Variants in ASIC2 observed in about 807,000 individuals in gnomAD.
ASIC2 encodes the protein acid-sensing ion channel 2.
In ASIC2, 25 loss-of-function variants were observed where a neutral mutation model predicts 57.3. That is an observed-to-expected ratio of 0.44 (90% CI 0.32 to 0.61). The LOEUF is 0.61. Ranked by LOEUF, ASIC2 falls within the 20% of genes least tolerant of loss-of-function variation. The probability of loss-of-function intolerance (pLI) is 0.06; values close to 1 mark genes in which losing one functional copy is unlikely to be tolerated. For synonymous variants in ASIC2, 319 were observed against 307.5 expected (o/e 1.04, Z -0.39); for missense variants, 641 against 738.1 (o/e 0.87, Z 1.52).
chr17:33,579,504 G>A (rs765740185), intron 1 of ASIC2, among the ~76,000 whole-genome samples: 2 of 152,112 alleles, frequency 1.3e-5, no homozygotes, highest in African/African-American at 4.8e-5. Context: ...ACTGTGCCCA[G>A]AATTGTCTCC....
chr17:33,465,263 G>T (rs79718183), intron 1 of ASIC2, among the ~76,000 whole-genome samples: 5,576 of 152,038 alleles, frequency 0.037, 280 homozygotes, highest in East Asian at 0.1. Context: ...TTTCCTAATT[G>T]TTCAACAGGA....
intron 1 of ASIC2, among the ~76,000 whole-genome samples, chr17:33,337,547 T>C (rs1907562407): frequency 6.6e-6 from 1 of 152,242 alleles, no homozygotes; most frequent in African/African-American, 2.4e-5. Context: ...GGGATAGTAA[T>C]GCTTTTAGCA....
In ASIC2 at chr17:33,088,844, G is replaced by C; in HGVS notation, c.987+19C>G. 6.2e-7 allele frequency: 1 copy of C among 1,600,428 alleles called. No individual in the cohort carries two copies. Among genetic ancestry groups the C allele is most frequent in the Non-Finnish European group, 8.5e-7 (1 of 1,173,234 alleles). On this transcript the variant is annotated intron_variant, in intron 3 of 9. Coordinates refer to ENST00000225823, the MANE Select transcript of ASIC2 (RefSeq NM_183377.2). ...GGGGAGGCTGAGGACCATCAATCCT[G>C]GGAGCCCAGGGAACTTACCCTCTGC... is the stretch of plus-strand genomic sequence containing the variant.
intron 1 of ASIC2, among the ~76,000 whole-genome samples, chr17:33,948,432 C>T (rs1017822866): frequency 3.9e-5 from 6 of 152,208 alleles, no homozygotes; most frequent in South Asian, 2.1e-4. Flanking sequence ...CACACAATCA[C>T]GGGCTCAGAG....
intron 1 of ASIC2, among the ~76,000 whole-genome samples, chr17:33,817,560 A>G (rs753445712): frequency 1.4e-4 from 22 of 152,146 alleles, no homozygotes; most frequent in Non-Finnish European, 2.8e-4. Flanking sequence ...GAGGCAGAGA[A>G]TCTTTGGTGC....
intron 1 of ASIC2, among the ~76,000 whole-genome samples, chr17:34,149,114 CT>C (rs34036498): frequency 7.8e-5 from 11 of 141,792 alleles, no homozygotes; most frequent in East Asian, 6.2e-4. Flanking sequence ...TTTTTCTTTT[CT>C]TTTTTTTTTG....
intron 1 of ASIC2, among the ~76,000 whole-genome samples, chr17:33,963,530 T>C (rs1207301334): frequency 1.3e-5 from 2 of 152,190 alleles, no homozygotes; most frequent in Admixed American, 6.5e-5. Flanking sequence ...TAAATATGCA[T>C]TGGACAGAAC....
chr17:33,322,713 C>A (rs957854895), intron 1 of ASIC2, among the ~76,000 whole-genome samples: 3 of 151,926 alleles, frequency 2.0e-5, no homozygotes, highest in African/African-American at 7.3e-5. Context: ...TGGGTGCCAA[C>A]AAAATGAATA....
intron 1 of ASIC2, among the ~76,000 whole-genome samples, chr17:33,945,515 T>A (rs1483040718): frequency 6.6e-6 from 1 of 152,180 alleles, no homozygotes; most frequent in Admixed American, 6.5e-5. Flanking sequence ...GGCAGCAATG[T>A]TGCTAACCGA....
chr17:33,308,167 T>C (rs185709237), intron 1 of ASIC2, among the ~76,000 whole-genome samples: 1 of 152,332 alleles, frequency 6.6e-6, no homozygotes, highest in East Asian at 1.9e-4. Flanking sequence ...GATAGAAAAC[T>C]AAGCTAATTA....
intron 1 of ASIC2, among the ~76,000 whole-genome samples, chr17:33,737,614 C>G (rs1423870937): frequency 6.6e-6 from 1 of 152,222 alleles, no homozygotes; most frequent in Non-Finnish European, 1.5e-5. Context: ...GAGTGCTGCA[C>G]TTATTGGGTT....
Position 34,093,737 on chromosome 17 carries a change from T to C in ASIC2, c.555+62241A>G, listed in dbSNP as rs76855165. 5.3e-3 allele frequency among the ~76,000 whole-genome samples: 803 copies of C among 152,296 alleles called. 5 individuals are homozygous for C. The highest frequency in any genetic ancestry group is 8.2e-3 in the Non-Finnish European group (558 of 68,032). ...CACCATGGGTCCTTGGCCATTCTAG[T>C]TAATCTTATCTGGACTCTGGGCCTT... On this transcript the variant is annotated intron_variant, in intron 1 of 9. Transcript: ENST00000359872.
In ASIC2 at chr17:33,966,518, A is replaced by G. The variant is rs552506489; in HGVS notation, c.555+189460T>C. Among the ~76,000 whole-genome samples the G allele has an allele frequency of 1.4e-4, 22 of 152,366 alleles. No homozygotes were observed. The East Asian group carries it at 2.7e-3, about 19-fold the overall frequency. ...CCATAAAAACTGGTAACATCATAGA[A>G]TGTAACTCACTAAAAAGATCCAAGA... On this transcript the variant is annotated intron_variant, in intron 1 of 9. Transcript: ENST00000359872.
In ASIC2 at chr17:34,127,325, C is replaced by T. The variant is rs146069639; in HGVS notation, c.555+28653G>A. Among the ~76,000 whole-genome samples, 478 of 152,298 alleles carry T rather than the reference C, an allele frequency of 3.1e-3. 2 individuals carry two copies. The highest frequency in any genetic ancestry group is 0.011 in the African/African-American group (449 of 41,562). On this transcript the variant is annotated intron_variant, in intron 1 of 9. Coordinates refer to the ASIC2 transcript ENST00000359872. Reference sequence around the variant, plus strand: ...AGTCTGTCTCTAACTCTCATGATTGCTGATCTCTCCTTAGCTTCATTCTGA... The same window carrying T: ...AGTCTGTCTCTAACTCTCATGATTGTTGATCTCTCCTTAGCTTCATTCTGA...
chr17:33,639,680 A>G (rs1309749839), intron 1 of ASIC2, among the ~76,000 whole-genome samples: 1 of 150,580 alleles, frequency 6.6e-6, no homozygotes, highest in Non-Finnish European at 1.5e-5. Flanking sequence ...CTAATCAGGA[A>G]GTGACTCTTC....
chr17:33,863,621 G>A (rs1243215711), intron 1 of ASIC2, among the ~76,000 whole-genome samples: 2 of 152,194 alleles, frequency 1.3e-5, no homozygotes, highest in Non-Finnish European at 2.9e-5. Context: ...CAAAGGACTT[G>A]CAAGATAATC....
chr17:34,044,328 A>G (rs185226634), intron 1 of ASIC2, among the ~76,000 whole-genome samples: 3 of 152,180 alleles, frequency 2.0e-5, no homozygotes, highest in Non-Finnish European at 2.9e-5. Flanking sequence ...CTTTACATAC[A>G]GTATTTTAGG....
intron 1 of ASIC2, among the ~76,000 whole-genome samples, chr17:33,751,321 C>T (rs1174786741): frequency 5.9e-5 from 9 of 152,202 alleles, no homozygotes; most frequent in Non-Finnish European, 1.5e-5. Flanking sequence ...CATCTAGTGG[C>T]ACTGCCAGGA....
chr17:33,886,506 AACACACACACATAT>A (rs1914832645), intron 1 of ASIC2, among the ~76,000 whole-genome samples: 1 of 152,130 alleles, frequency 6.6e-6, no homozygotes, highest in Non-Finnish European at 1.5e-5. Context: ...TCCTCATTCA[AACACACACACATAT>A]ACACACACAC....
Sources: allele counts gnomAD v4.1 joint callset (sites outside exome capture counted in the v4.1 genomes callset), GRCh38; gene constraint gnomAD v4.1.1; transcripts MANE v1.5; gene names NCBI Gene and HGNC (gene_info 2026-07-23, HGNC 2026-07-21).